The following BMPER variants were observed in gnomAD, a reference collection of about 807,000 sequenced individuals.
BMPER encodes the protein BMP binding endothelial regulator.
A neutral mutation model predicts 87.3 loss-of-function variants in BMPER; 45 were observed. The ratio of observed to expected loss-of-function variants is 0.52; its 90% CI spans 0.41 to 0.66. BMPER has a LOEUF of 0.66. BMPER is among the 30% of genes least tolerant of loss of function. The probability of loss-of-function intolerance (pLI) is 0.00; values close to 1 mark genes in which losing one functional copy is unlikely to be tolerated. For missense variants in BMPER, 784 were observed against 867.5 expected (o/e 0.90, Z 1.21); for synonymous variants, 326 against 316.2 (o/e 1.03, Z -0.33).
chr7:34,087,426 T>C (rs78069013), intron 13 of BMPER, among the ~76,000 whole-genome samples: 3,016 of 152,244 alleles, frequency 0.02, 114 homozygotes, highest in African/African-American at 0.069. Flanking sequence ...AATATAGCAA[T>C]TAAGAACTTT....
rs577674752 is a variant in BMPER, at chr7:34,038,569, TAAC to T, written c.577-7734_577-7732del. Among the ~76,000 whole-genome samples the T allele has an allele frequency of 3.2e-3, 490 of 152,258 alleles. 7 individuals carry two copies. The highest frequency in any genetic ancestry group is 0.029 in the Admixed American group (440 of 15,288). Reference sequence around the variant, plus strand: ...CTTAATAAAATAATATAAACAATAATAACAATAATGCAGTTATACTTAGAAACA... The same window carrying T: ...CTTAATAAAATAATATAAACAATAATAATAATGCAGTTATACTTAGAAACA... On this transcript the variant is annotated intron_variant, in intron 6 of 14. Coordinates refer to ENST00000649409, the MANE Select transcript of BMPER (RefSeq NM_001365308.1).
chr7:33,916,536 G>C (rs1784090289), intron 2 of BMPER, among the ~76,000 whole-genome samples: 1 of 152,236 alleles, frequency 6.6e-6, no homozygotes, highest in East Asian at 1.9e-4. Context: ...CTTCTAGAAA[G>C]GGCAAGCCCA....
chr7:33,948,751 C>G (rs934440041), intron 3 of BMPER, among the ~76,000 whole-genome samples: 5 of 152,300 alleles, frequency 3.3e-5, no homozygotes, highest in South Asian at 2.1e-4. Flanking sequence ...CCCAGCCATG[C>G]CTTCTGTACA....
chr7:34,015,153 C>T (rs989312779), intron 6 of BMPER, among the ~76,000 whole-genome samples: 16 of 151,906 alleles, frequency 1.1e-4, no homozygotes, highest in African/African-American at 3.1e-4. Context: ...AAAGGTGAGT[C>T]GACTGTTACA....
At chr7:34,024,373 A>AAC (rs1787285109) in intron 6 of BMPER, among the ~76,000 whole-genome samples, 1 of 98,878 alleles carries the variant, frequency 1.0e-5, no homozygotes, top group Non-Finnish European at 1.8e-5. Flanking sequence ...AAAAAAAAAA[A>AAC]AAAAAAAAAC....
chr7:33,916,602 T>A (rs1266823685), intron 2 of BMPER, among the ~76,000 whole-genome samples: 3 of 152,210 alleles, frequency 2.0e-5, no homozygotes, highest in Non-Finnish European at 2.9e-5. Flanking sequence ...CATACAGCCT[T>A]CTGTGCTTGG....
chr7:34,145,621 T>C (rs1790997199), intron 14 of BMPER, among the ~76,000 whole-genome samples: 1 of 152,128 alleles, frequency 6.6e-6, no homozygotes, highest in African/African-American at 2.4e-5. Context: ...CCCCTTTCCC[T>C]TGAATTTACT....
At chr7:34,149,728 T>C (rs75334809) in intron 14 of BMPER, among the ~76,000 whole-genome samples, 6,984 of 152,170 alleles carry the variant, frequency 0.046, 245 homozygotes, top group East Asian at 0.12. Context: ...CCAAATATTT[T>C]GCAGAGTGGT....
chr7:34,086,206 G>T (rs1789205655), intron 13 of BMPER, 114 bp downstream of exon 13: 2 of 1,216,602 alleles, frequency 1.6e-6, no homozygotes, highest in Non-Finnish European at 2.3e-6. Context: ...AAAACCCAGG[G>T]TAGGCATCTT....
intron 14 of BMPER, among the ~76,000 whole-genome samples, chr7:34,149,960 T>C (rs950505763): frequency 2.1e-4 from 32 of 152,032 alleles, no homozygotes; most frequent in African/African-American, 7.2e-4. Flanking sequence ...TGTTGTTAAG[T>C]AGATAGGGAG....
At chr7:34,067,367 T>C (rs562169669) in intron 11 of BMPER, 8 of 152,132 alleles carry the variant, frequency 5.3e-5, no homozygotes, top group Non-Finnish European at 1.2e-4. Context: ...GGGGAGACTA[T>C]AATAACAATT....
At chr7:33,953,436 C>T (rs954019361) in intron 3 of BMPER, among the ~76,000 whole-genome samples, 7 of 152,104 alleles carry the variant, frequency 4.6e-5, no homozygotes, top group Non-Finnish European at 1.0e-4. Flanking sequence ...TGACCTTGGC[C>T]GAGACATTTC....
intron 6 of BMPER, among the ~76,000 whole-genome samples, chr7:34,014,533 A>G (rs566830862): frequency 9.2e-5 from 14 of 152,002 alleles, no homozygotes; most frequent in African/African-American, 3.4e-4. Context: ...AAAGCAGCCC[A>G]TTCATCCCTG....
intron 13 of BMPER, among the ~76,000 whole-genome samples, chr7:34,134,575 A>G (rs1369811854): frequency 6.6e-6 from 1 of 152,154 alleles, no homozygotes; most frequent in African/African-American, 2.4e-5. Flanking sequence ...GAGCAAAGAT[A>G]GCTTAACTTC....
intron 7 of BMPER, among the ~76,000 whole-genome samples, chr7:34,051,122 G>A (rs13244436): frequency 0.18 from 26,666 of 152,030 alleles, 2,532 homozygotes; most frequent in Middle Eastern, 0.25. Flanking sequence ...TTGTTGTCAC[G>A]TCGTGGTGAG....
intron 13 of BMPER, among the ~76,000 whole-genome samples, chr7:34,091,506 C>T (rs151213660): frequency 6.6e-6 from 1 of 152,304 alleles, no homozygotes; most frequent in East Asian, 1.9e-4. Context: ...TTAAGGTATG[C>T]TGACACCAGG....
intron 8 of BMPER, among the ~76,000 whole-genome samples, chr7:34,053,041 A>C (rs983439551): frequency 1.3e-5 from 2 of 152,120 alleles, no homozygotes; most frequent in Admixed American, 1.3e-4. Flanking sequence ...GGGGATACTG[A>C]GCCTTTGATG....
At chr7:33,916,143 T>C (rs1298324830) in intron 2 of BMPER, among the ~76,000 whole-genome samples, 3 of 152,224 alleles carry the variant, frequency 2.0e-5, no homozygotes, top group Non-Finnish European at 4.4e-5. Flanking sequence ...ATTCTGAATT[T>C]TTCTCAGGGT....
In BMPER at chr7:34,079,059, G is replaced by C. The variant is rs768518894; in HGVS notation, c.1281G>C (p.Glu427Asp). Residue 427 changes from glutamate (E) to aspartate (D), a missense_variant, in exon 12 of 15, where the codon GAG becomes GAC. By Grantham distance (45) the Glu-to-Asp change is conservative (BLOSUM62 2). Coordinates refer to ENST00000649409, the MANE Select transcript of BMPER (RefSeq NM_001365308.1). Reference protein sequence around the residue: ...WTKSVELVLGESRVSLQQHLT... With the variant: ...WTKSVELVLGDSRVSLQQHLT... ...AGTCGGTGGAGCTGGTGCTGGGCGA[G>C]AGCAGGGTCAGCCTGCAGCAGCACC... 2.1e-5 allele frequency: 34 copies of C among 1,614,028 alleles called. No individual in the cohort carries two copies. Among genetic ancestry groups the C allele is most frequent in the Non-Finnish European group, 2.6e-5 (31 of 1,180,024 alleles).
Sources: allele counts gnomAD v4.1 joint callset (sites outside exome capture counted in the v4.1 genomes callset), GRCh38; gene constraint gnomAD v4.1.1; transcripts MANE v1.5; gene names NCBI Gene and HGNC (gene_info 2026-07-23, HGNC 2026-07-21).